KIF26B: variants seen among roughly 807,000 people sequenced by gnomAD.
KIF26B encodes the protein kinesin-like protein KIF26B.
A neutral mutation model predicts 151.2 loss-of-function variants in KIF26B; 63 were observed. That is an observed-to-expected ratio of 0.42 (90% CI 0.34 to 0.51). The LOEUF (loss-of-function observed/expected upper bound fraction) is 0.51, where lower values mean the gene tolerates loss of function less well. Among genes scored for constraint, KIF26B ranks in the 20% least tolerant of loss-of-function variants. The pLI, the probability that KIF26B is intolerant of heterozygous loss-of-function variation, is 0.07. For synonymous variants in KIF26B, 1,357 were observed against 1,262.1 expected, an observed-to-expected ratio of 1.08 and a Z score of -1.59; for missense variants, 2,813 against 2,913.6, an observed-to-expected ratio of 0.97 and a Z score of 0.79.
At chr1:245,515,839 G>A (rs115696529) in intron 4 of KIF26B, among the ~76,000 whole-genome samples, 4 of 152,250 alleles carry the variant, frequency 2.6e-5, no homozygotes, top group East Asian at 1.9e-4. Flanking sequence ...TCTGTAACTC[G>A]GCTTGTCCCA....
At chr1:245,317,411 G>T (rs1671800826) in intron 2 of KIF26B, among the ~76,000 whole-genome samples, 1 of 152,188 alleles carries the variant, frequency 6.6e-6, no homozygotes, top group African/African-American at 2.4e-5. Flanking sequence ...TAAGCTTGAG[G>T]CCAGAGCTGG....
At chr1:245,311,102 C>A (rs913300662) in intron 2 of KIF26B, among the ~76,000 whole-genome samples, 2 of 152,140 alleles carry the variant, frequency 1.3e-5, no homozygotes, top group African/African-American at 4.8e-5. Context: ...CAACAAAGCA[C>A]ACAGATGTTC....
At chr1:245,463,450 T>C (rs1412011352) in intron 4 of KIF26B, among the ~76,000 whole-genome samples, 1 of 152,182 alleles carries the variant, frequency 6.6e-6, no homozygotes, top group Non-Finnish European at 1.5e-5. Flanking sequence ...ATCCGTACCA[T>C]GACGGGTTTT....
chr1:245,626,857 G>GT (rs1251835131), intron 9 of KIF26B, among the ~76,000 whole-genome samples: 1 of 152,106 alleles, frequency 6.6e-6, no homozygotes, highest in African/African-American at 2.4e-5. Context: ...TAGAGTTATT[G>GT]TTTTTGGTCT....
chr1:245,658,726 G>A (rs1376501649), intron 10 of KIF26B, among the ~76,000 whole-genome samples: 1 of 151,912 alleles, frequency 6.6e-6, no homozygotes. Context: ...AAAAATTCTT[G>A]GATTCCTTCC....
chr1:245,209,551 G>A (rs963621221), intron 2 of KIF26B, among the ~76,000 whole-genome samples: 8 of 152,334 alleles, frequency 5.3e-5, no homozygotes, highest in Admixed American at 4.6e-4. Context: ...TACAGAAAGA[G>A]CTGTGGGACA....
chr1:245,505,541 C>T (rs1016289058), intron 4 of KIF26B, among the ~76,000 whole-genome samples: 3 of 151,766 alleles, frequency 2.0e-5, no homozygotes, highest in East Asian at 2.0e-4. Flanking sequence ...CCTGCAACCA[C>T]GCCCTGCTGA....
intron 2 of KIF26B, among the ~76,000 whole-genome samples, chr1:245,248,687 C>T (rs747099303): frequency 5.9e-5 from 9 of 152,296 alleles, no homozygotes; most frequent in Middle Eastern, 6.8e-3. Flanking sequence ...TCTCTTTAAG[C>T]GAACACGTGA....
At chr1:245,376,088 G>T (rs1030191997) in intron 3 of KIF26B, among the ~76,000 whole-genome samples, 2 of 151,656 alleles carry the variant, frequency 1.3e-5, no homozygotes, top group African/African-American at 4.8e-5. Flanking sequence ...GGGTGGGAGG[G>T]ATGGAAGGAA....
chr1:245,411,597 A>G (rs1377601617), intron 3 of KIF26B, among the ~76,000 whole-genome samples: 2 of 152,186 alleles, frequency 1.3e-5, no homozygotes, highest in Non-Finnish European at 2.9e-5. Flanking sequence ...GTGTCAGAGC[A>G]AGAGTCCTCT....
rs150854787 is a variant in KIF26B at position 245,301,671 on chromosome 1, T to G, written c.466-65163T>G. Among the ~76,000 whole-genome samples, 7 of 152,302 alleles carry G rather than the reference T, an allele frequency of 4.6e-5. No individual in the cohort carries two copies. The East Asian group carries it at 1.4e-3, about 29-fold the overall frequency. ...TTCTCTGAAGCCCGCATCAGAGAGC[T>G]CTTCAGAAGAGAGGAAATGTTATAT... On this transcript the variant is annotated intron_variant, in intron 2 of 14. Coordinates refer to ENST00000407071, the MANE Select transcript of KIF26B (RefSeq NM_018012.4).
intron 5 of KIF26B, among the ~76,000 whole-genome samples, chr1:245,552,309 C>T (rs973277425): frequency 6.6e-6 from 1 of 152,090 alleles, no homozygotes; most frequent in Non-Finnish European, 1.5e-5. Flanking sequence ...TTCCTTCTTG[C>T]TCAGGGAAAG....
chr1:245,673,615 G>C (rs2044322141), intron 10 of KIF26B: 1 of 152,378 alleles, frequency 6.6e-6, no homozygotes, highest in African/African-American at 2.4e-5. Context: ...ACCTTGAAGG[G>C]AGATCGTAGA....
At chr1:245,181,035 G>A (rs969609184) in intron 2 of KIF26B, among the ~76,000 whole-genome samples, 2 of 152,134 alleles carry the variant, frequency 1.3e-5, no homozygotes, top group Admixed American at 1.3e-4. Context: ...ACATTGAGAG[G>A]CCTGAGAGCT....
intron 2 of KIF26B, among the ~76,000 whole-genome samples, chr1:245,273,080 T>C (rs1670879569): frequency 1.3e-5 from 2 of 152,054 alleles, no homozygotes; most frequent in African/African-American, 2.4e-5. Flanking sequence ...TTTATTAGCC[T>C]TTTGTTTGGC....
intron 2 of KIF26B, among the ~76,000 whole-genome samples, chr1:245,302,275 T>G (rs1282863390): frequency 1.4e-4 from 21 of 152,224 alleles, no homozygotes; most frequent in Non-Finnish European, 1.5e-5. Flanking sequence ...CTAATATATA[T>G]TTACTCTGAT....
rs1382438012 is a variant in KIF26B at position 245,218,528 on chromosome 1, C to T, written c.465+61845C>T. Among the ~76,000 whole-genome samples, 1 of 152,084 alleles carries T rather than the reference C, an allele frequency of 6.6e-6. No homozygotes were observed. Among genetic ancestry groups the T allele is most frequent in the African/African-American group, 2.4e-5 (1 of 41,402 alleles). On this transcript the variant is annotated intron_variant, in intron 2 of 14. Coordinates refer to ENST00000407071, the MANE Select transcript of KIF26B (RefSeq NM_018012.4). This position sits in a 1 kb window ranked among gnomAD's most constrained non-coding sequence, Gnocchi z 4.1. ...GGCCGATGGTTTTCACTCAATCCGC[C>T]GGGAGATCTGAATATCAACTCTCTA...
intron 3 of KIF26B, among the ~76,000 whole-genome samples, chr1:245,403,141 A>T (rs986621455): frequency 1.1e-4 from 16 of 151,366 alleles, no homozygotes; most frequent in Admixed American, 6.6e-4. Context: ...GCTAATTTTT[A>T]AAAAAATTTT....
At chr1:245,233,333 GA>G (rs1322150252) in intron 2 of KIF26B, among the ~76,000 whole-genome samples, 1 of 152,140 alleles carries the variant, frequency 6.6e-6, no homozygotes, top group East Asian at 1.9e-4. Context: ...GAATCACATA[GA>G]CCCCAAGTTT....
Sources: allele counts gnomAD v4.1 joint callset (sites outside exome capture counted in the v4.1 genomes callset), GRCh38; gene constraint gnomAD v4.1.1; non-coding constraint Gnocchi (gnomAD v3.1); transcripts MANE v1.5; gene names NCBI Gene and HGNC (gene_info 2026-07-23, HGNC 2026-07-21).